TPD52: variants seen among roughly 807,000 people sequenced by gnomAD.
The protein encoded by TPD52 is tumor protein D52.
In TPD52, 17 loss-of-function variants were observed where a neutral mutation model predicts 31.3. The ratio of observed to expected loss-of-function variants is 0.54; its 90% CI spans 0.37 to 0.82. The LOEUF is 0.82. Ranked by LOEUF, TPD52 falls within the 40% of genes least tolerant of loss-of-function variation. The pLI, the probability that TPD52 is intolerant of heterozygous loss-of-function variation, is 0.00. For missense variants in TPD52, 212 were observed against 240.1 expected (o/e 0.88, Z 0.77); for synonymous variants, 83 against 89.6 (o/e 0.93, Z 0.42).
chr8:80,107,042 G>C (rs1807182556), intron 1 of TPD52, among the ~76,000 whole-genome samples: 1 of 151,728 alleles, frequency 6.6e-6, no homozygotes, highest in Admixed American at 6.6e-5. Flanking sequence ...TAGTAGATAC[G>C]GGGTTTCACC....
chr8:80,080,025 T>C (rs1341299153), intron 1 of TPD52, among the ~76,000 whole-genome samples: 1 of 152,202 alleles, frequency 6.6e-6, no homozygotes, highest in African/African-American at 2.4e-5. Context: ...TTTTTTGTTA[T>C]TTACCAGCTC....
intron 1 of TPD52, among the ~76,000 whole-genome samples, chr8:80,113,572 T>C (rs1014581569): frequency 1.2e-4 from 19 of 152,274 alleles, no homozygotes; most frequent in South Asian, 4.1e-4. Flanking sequence ...ATGTGGCATA[T>C]ACACACAATG....
chr8:80,085,714 C>T lies in TPD52; in HGVS notation c.20-21121G>A, dbSNP rs532441260. ...AAGGAAGAACTACAGAAGAATGCCA[C>T]CCTGACCATCTTTGTAAAGATTCAG... On this transcript the variant is annotated intron_variant, in intron 1 of 7. Coordinates refer to ENST00000518937, the MANE Select transcript of TPD52 (RefSeq NM_001025253.3). Among the ~76,000 whole-genome samples, 47 of 152,264 alleles carry T rather than the reference C, an allele frequency of 3.1e-4. No homozygotes were observed. In the South Asian group the frequency reaches 3.5e-3, roughly 11 times the overall value.
chr8:80,088,385 C>A (rs1275085020), intron 1 of TPD52, among the ~76,000 whole-genome samples: 1 of 152,150 alleles, frequency 6.6e-6, no homozygotes, highest in Non-Finnish European at 1.5e-5. Flanking sequence ...TTTATTTAAT[C>A]CCTCAATAAC....
intron 3 of TPD52, chr8:80,052,918 T>C (rs952197175): frequency 4.2e-6 from 1 of 238,684 alleles, no homozygotes; most frequent in African/African-American, 2.3e-5. Flanking sequence ...ACATGAAAAC[T>C]TAATTTGTCT....
chr8:80,153,953 C>G (rs1436196075), intron 1 of TPD52, among the ~76,000 whole-genome samples: 1 of 152,198 alleles, frequency 6.6e-6, no homozygotes, highest in Non-Finnish European at 1.5e-5. Flanking sequence ...CTAAGAATTT[C>G]AAACTCTTCA....
At chr8:80,124,340 A>AT (rs939074058) in intron 1 of TPD52, among the ~76,000 whole-genome samples, 3 of 151,994 alleles carry the variant, frequency 2.0e-5, no homozygotes, top group African/African-American at 7.2e-5. Flanking sequence ...TAATATTTGT[A>AT]TTTTTTGTGG....
intron 1 of TPD52, among the ~76,000 whole-genome samples, chr8:80,081,156 C>CTTTT (rs5892705): frequency 6.4e-5 from 7 of 109,366 alleles, no homozygotes; most frequent in South Asian, 3.0e-4. Flanking sequence ...TTTTCTCTCT[C>CTTTT]TTTTTTTTTT....
intron 1 of TPD52, among the ~76,000 whole-genome samples, chr8:80,096,117 A>G (rs1202039849): frequency 6.6e-6 from 1 of 152,172 alleles, no homozygotes; most frequent in Non-Finnish European, 1.5e-5. Context: ...TTAGTTGGGC[A>G]TGGTGGTGTG....
chr8:80,103,666 T>G (rs978458787), intron 1 of TPD52, among the ~76,000 whole-genome samples: 1 of 152,208 alleles, frequency 6.6e-6, no homozygotes, highest in African/African-American at 2.4e-5. Flanking sequence ...CACCAGTAAG[T>G]AGACTTAGAT....
chr8:80,143,049 T>C (rs568614443), intron 1 of TPD52, among the ~76,000 whole-genome samples: 3 of 152,304 alleles, frequency 2.0e-5, no homozygotes, highest in African/African-American at 7.2e-5. Flanking sequence ...GGGAATTAAA[T>C]AGATGGGGTC....
intron 1 of TPD52, among the ~76,000 whole-genome samples, chr8:80,135,417 C>T (rs1809322801): frequency 1.3e-5 from 2 of 152,248 alleles, no homozygotes; most frequent in South Asian, 4.1e-4. Context: ...ACCCTACCTG[C>T]CCCAGCCTAC....
intron 1 of TPD52, among the ~76,000 whole-genome samples, chr8:80,165,470 G>C (rs1169125229): frequency 6.6e-6 from 1 of 152,168 alleles, no homozygotes; most frequent in East Asian, 1.9e-4. Context: ...TTCCACTTTA[G>C]CATGCTGATT....
At chr8:80,164,615 G>A (rs748065877) in intron 1 of TPD52, among the ~76,000 whole-genome samples, 1 of 152,146 alleles carries the variant, frequency 6.6e-6, no homozygotes, top group Non-Finnish European at 1.5e-5. Context: ...TGGGTATGGT[G>A]GCCCACTCCT....
intron 1 of TPD52, among the ~76,000 whole-genome samples, chr8:80,147,821 T>TACATACACACACACACGC (rs1810302361): frequency 6.6e-6 from 1 of 150,950 alleles, no homozygotes; most frequent in Non-Finnish European, 1.5e-5. Flanking sequence ...CACACACACA[T>TACATACACACACACACGC]ACATACACAC....
intron 1 of TPD52, among the ~76,000 whole-genome samples, chr8:80,147,863 A>AC (rs558338943): frequency 4.6e-5 from 7 of 151,662 alleles, no homozygotes; most frequent in Non-Finnish European, 8.8e-5. Context: ...CACCCCCCAC[A>AC]CCCCCTGTAC....
chr8:80,074,546 A>T (rs1586234229), intron 1 of TPD52, among the ~76,000 whole-genome samples: 1 of 152,216 alleles, frequency 6.6e-6, no homozygotes, highest in Non-Finnish European at 1.5e-5. Context: ...TGTGGCAGGG[A>T]CTGCCCTGGG....
At position 80,111,924 on chromosome 8, in the gene TPD52, C is replaced by A. The variant is rs150387662; in HGVS notation, c.20-47331G>T. 5.4e-3 allele frequency among the ~76,000 whole-genome samples: 823 copies of A among 152,326 alleles called. 8 individuals are homozygous for A. The highest frequency in any genetic ancestry group is 0.019 in the African/African-American group (779 of 41,564). ...GTGAATGGCAACAGAATATGCTTAA[C>A]ATGCAATATGTACAGTAAACAGTGG... is the stretch of plus-strand genomic sequence containing the variant. On this transcript the variant is annotated intron_variant, in intron 1 of 7. Transcript: ENST00000518937.
Position 80,037,975 on chromosome 8 carries a change from C to T in TPD52, c.*141G>A. The T allele has an allele frequency of 8.3e-7, 1 of 1,202,180 alleles. No individual in the cohort carries two copies. The highest frequency in any genetic ancestry group is 1.2e-6 in the Non-Finnish European group (1 of 868,176). The allele number at this position is 1,202,180 out of a possible 1,614,324, so 74.5% of individuals were successfully genotyped here. ...GAAGATATTTTCATTTTGTTTAACC[C>T]ACAAACTATTTGGTCAAAGGAATAT... is the stretch of plus-strand genomic sequence containing the variant. On this transcript the variant is annotated 3_prime_UTR_variant, in exon 8 of 8. Coordinates refer to ENST00000518937, the MANE Select transcript of TPD52 (RefSeq NM_001025253.3).
Sources: allele counts gnomAD v4.1 joint callset (sites outside exome capture counted in the v4.1 genomes callset), GRCh38; gene constraint gnomAD v4.1.1; transcripts MANE v1.5; gene names NCBI Gene and HGNC (gene_info 2026-07-23, HGNC 2026-07-21).